Variants in RTN1 observed in about 807,000 individuals in gnomAD.
The protein encoded by RTN1 is reticulon-1.
Under a neutral mutation model 65.5 loss-of-function variants are expected in RTN1, and 25 were observed. That is an observed-to-expected ratio of 0.38 (90% confidence interval 0.28 to 0.53). The LOEUF (loss-of-function observed/expected upper bound fraction) is 0.53. Among genes scored for constraint, RTN1 ranks in the 20% least tolerant of loss-of-function variants. The pLI is 0.79. For synonymous variants in RTN1, 471 were observed against 447.6 expected (o/e 1.05, Z -0.66); for missense variants, 983 against 1,025.4 (o/e 0.96, Z 0.57).
rs756389731 is a variant in RTN1, at chr14:59,803,162, A to G, written c.242-56681T>C. 1.3e-5 allele frequency among the ~76,000 whole-genome samples: 2 copies of G among 152,232 alleles called. No homozygotes were observed. Among genetic ancestry groups the G allele is most frequent in the African/African-American group, 2.4e-5 (1 of 41,462 alleles). On this transcript the variant is annotated intron_variant, in intron 1 of 8. Transcript: ENST00000267484. The surrounding 1 kb of genome is among the most constrained non-coding windows in gnomAD (Gnocchi z 5.6). ...GTCTCCTATTCTTATGTGACTAAAC[A>G]CAGCTAGAAAAAGTACACCTGTAAT...
At chr14:59,608,346 A>G (rs1442988175) in intron 3 of RTN1, among the ~76,000 whole-genome samples, 2 of 152,246 alleles carry the variant, frequency 1.3e-5, no homozygotes, top group African/African-American at 4.8e-5. Context: ...CCTGCAGTGT[A>G]CCTGCAGACA....
rs1299359086 is a variant in RTN1 at position 59,836,786 on chromosome 14, A to C, written c.241+33604T>G. On this transcript the variant is annotated intron_variant, in intron 1 of 8. Coordinates refer to ENST00000267484, the MANE Select transcript of RTN1 (RefSeq NM_021136.3). This position sits in a 1 kb window ranked among gnomAD's most constrained non-coding sequence, Gnocchi z 4.9. ...AATGCTGAGCGGGGTGACACATCGC[A>C]GGGGTGCTTAGACAAACCAATCCAA... Among the ~76,000 whole-genome samples the C allele has an allele frequency of 6.6e-6, 1 of 152,154 alleles. No individual in the cohort carries two copies. The highest frequency in any genetic ancestry group is 1.5e-5 in the Non-Finnish European group (1 of 68,026).
At chr14:59,659,243 A>C (rs1237843882) in intron 3 of RTN1, among the ~76,000 whole-genome samples, 1 of 152,208 alleles carries the variant, frequency 6.6e-6, no homozygotes, top group Non-Finnish European at 1.5e-5. Context: ...GACTATGTGA[A>C]AACATCAAAC....
At position 59,688,547 on chromosome 14, in the gene RTN1, A is replaced by C. The variant is rs540987738; in HGVS notation, c.1765+38372T>G. Among the ~76,000 whole-genome samples, 5 of 152,294 alleles carry C rather than the reference A, an allele frequency of 3.3e-5. No individual in the cohort carries two copies. In the South Asian group the frequency reaches 1.0e-3, roughly 32 times the overall value. ...ACACCATAAACCAGCCCATTGCTTG[A>C]GGCAACAGAGAACTTCTCCCGGTAA... On this transcript the variant is annotated intron_variant, in intron 3 of 8. Transcript: ENST00000267484.
At chr14:59,855,736 T>C (rs2139669098) in intron 1 of RTN1, among the ~76,000 whole-genome samples, 1 of 152,336 alleles carries the variant, frequency 6.6e-6, no homozygotes, top group African/African-American at 2.4e-5. Flanking sequence ...TGAGCAGTGA[T>C]GAAACTCCTG....
intron 1 of RTN1, among the ~76,000 whole-genome samples, chr14:59,802,429 G>A (rs1405723070): frequency 6.6e-6 from 1 of 152,174 alleles, no homozygotes; most frequent in Non-Finnish European, 1.5e-5. Flanking sequence ...TAAACAGTGG[G>A]GGGATGTGAT....
chr14:59,846,422 ACACACACACGTGTGTAC>A lies in RTN1; in HGVS notation c.241+23951_241+23967del, dbSNP rs1014671032. Among the ~76,000 whole-genome samples the A allele has an allele frequency of 4.0e-5, 6 of 151,898 alleles. No homozygotes were observed. Among genetic ancestry groups the A allele is most frequent in the Non-Finnish European group, 5.9e-5 (4 of 67,952 alleles). On this transcript the variant is annotated intron_variant, in intron 1 of 8. Coordinates refer to ENST00000267484, the MANE Select transcript of RTN1 (RefSeq NM_021136.3). This position sits in a 1 kb window ranked among gnomAD's most constrained non-coding sequence, Gnocchi z 4.8. Reference sequence around the variant, plus strand: ...AGAGTTGATGTATGCACACGTGTGTACACACACACGTGTGTACCACACACATCCACACTCATCTGTCA... The same window carrying A: ...AGAGTTGATGTATGCACACGTGTGTACACACACATCCACACTCATCTGTCA...
chr14:59,835,409 C>A (rs540083002), intron 1 of RTN1, among the ~76,000 whole-genome samples: 2 of 152,200 alleles, frequency 1.3e-5, no homozygotes, highest in South Asian at 2.1e-4. Flanking sequence ...CAGGTCTGTA[C>A]ACAGGTCAAA....
chr14:59,710,799 CTG>C (rs1884403002), intron 3 of RTN1, among the ~76,000 whole-genome samples: 1 of 152,230 alleles, frequency 6.6e-6, no homozygotes, highest in African/African-American at 2.4e-5. Flanking sequence ...CCACCACTGA[CTG>C]TAACCTGGGT....
intron 1 of RTN1, among the ~76,000 whole-genome samples, chr14:59,784,446 A>G (rs76874824): frequency 6.6e-6 from 1 of 151,414 alleles, no homozygotes. Flanking sequence ...CGTCTCAGAA[A>G]AAAAAAAAAA....
chr14:59,656,631 C>T (rs1360894497), intron 3 of RTN1, among the ~76,000 whole-genome samples: 2 of 152,214 alleles, frequency 1.3e-5, no homozygotes, highest in African/African-American at 4.8e-5. Flanking sequence ...TCTGTCTCAG[C>T]CTCTGATCAC....
intron 3 of RTN1, among the ~76,000 whole-genome samples, chr14:59,615,352 C>T (rs1594633122): frequency 6.6e-6 from 1 of 151,858 alleles, no homozygotes; most frequent in African/African-American, 2.4e-5. Context: ...GGGAGGCTGA[C>T]GCAGGAGAAT....
Position 59,870,128 on chromosome 14 carries a change from C to T in RTN1, c.241+262G>A, listed in dbSNP as rs551698132. The stretch of plus-strand genomic sequence containing the variant: ...GAATGCTGCTGTTTGCCTATGAGAA[C>T]AATTTTTAAAGCGGAAATAATCATG... On this transcript the variant is annotated intron_variant, in intron 1 of 8. Transcript: ENST00000267484. The surrounding 1 kb of genome is among the most constrained non-coding windows in gnomAD (Gnocchi z 5.1). Among the ~76,000 whole-genome samples, 1 of 152,202 alleles carries T rather than the reference C, an allele frequency of 6.6e-6. No individual in the cohort carries two copies. Among genetic ancestry groups the T allele is most frequent in the African/African-American group, 2.4e-5 (1 of 41,468 alleles).
chr14:59,630,840 G>A, intron 3 of RTN1: 1 of 1,004,088 alleles, frequency 1.0e-6, no homozygotes, highest in Non-Finnish European at 1.2e-6. Flanking sequence ...GACGCGGACA[G>A]TGGGTGGGAG....
chr14:59,623,953 G>T (rs1318064418), intron 3 of RTN1, among the ~76,000 whole-genome samples: 1 of 152,160 alleles, frequency 6.6e-6, no homozygotes, highest in African/African-American at 2.4e-5. Flanking sequence ...AAATATTTCT[G>T]AAGAAAGGGG....
intron 3 of RTN1, among the ~76,000 whole-genome samples, chr14:59,636,535 G>C (rs1370532760): frequency 6.6e-6 from 1 of 152,130 alleles, no homozygotes; most frequent in Non-Finnish European, 1.5e-5. Flanking sequence ...CCCAGTCTCA[G>C]GTATTCCTTT....
chr14:59,759,871 G>C (rs1349641736), intron 1 of RTN1, among the ~76,000 whole-genome samples: 2 of 152,158 alleles, frequency 1.3e-5, no homozygotes, highest in South Asian at 4.1e-4. Context: ...AGTGAGGCTG[G>C]AGGGCAACAG....
intron 1 of RTN1, among the ~76,000 whole-genome samples, chr14:59,769,784 AC>A (rs1325266631): frequency 6.6e-6 from 1 of 152,220 alleles, no homozygotes; most frequent in Non-Finnish European, 1.5e-5. Context: ...TACATTGTCG[AC>A]AGCTGTGATG....
chr14:59,768,475 T>A, intron 1 of RTN1, among the ~76,000 whole-genome samples: 1 of 152,152 alleles, frequency 6.6e-6, no homozygotes, highest in East Asian at 1.9e-4. Flanking sequence ...GGGGTGTGAC[T>A]CTACTCCTAG....
Sources: allele counts gnomAD v4.1 joint callset (sites outside exome capture counted in the v4.1 genomes callset), GRCh38; gene constraint gnomAD v4.1.1; non-coding constraint Gnocchi (gnomAD v3.1); transcripts MANE v1.5; gene names NCBI Gene and HGNC (gene_info 2026-07-23, HGNC 2026-07-21).